The following NDST2 variants were observed in gnomAD, a reference collection of about 807,000 sequenced individuals.
The protein encoded by NDST2 is N-deacetylase and N-sulfotransferase 2.
Under a neutral mutation model 86.9 loss-of-function variants are expected in NDST2, and 32 were observed. That is an observed-to-expected ratio of 0.37 (90% CI 0.28 to 0.49). NDST2 has a LOEUF of 0.49. Among genes scored for constraint, NDST2 ranks in the 20% least tolerant of loss-of-function variants. NDST2 has a pLI of 0.97. For synonymous variants in NDST2, 409 were observed against 437.0 expected, an observed-to-expected ratio of 0.94 and a Z score of 0.80; for missense variants, 950 against 1,146.9, an observed-to-expected ratio of 0.83 and a Z score of 2.48.
At position 73,808,427 on chromosome 10, in the gene NDST2, C is replaced by T; in HGVS notation, c.-39G>A. On this transcript the variant is annotated 5_prime_UTR_variant, in exon 3 of 15. Transcript: ENST00000309979. This position sits in a 1 kb window ranked among gnomAD's most constrained non-coding sequence, Gnocchi z 4.3. The stretch of plus-strand genomic sequence containing the variant: ...AGGGAGGGAGGAATGGGGACCACCT[C>T]AGGGGATGGGAGGTAGGAGTTCTAT... The T allele has an allele frequency of 6.5e-7, 1 of 1,541,138 alleles. No individual in the cohort carries two copies.
At chr10:73,803,517 T>TGGGGGGGGGGGGGGGGC in intron 11 of NDST2, 57 bp downstream of exon 11, 1 of 1,189,308 alleles carries the variant, frequency 8.4e-7, no homozygotes, top group Non-Finnish European at 1.2e-6. Flanking sequence ...TAGCAGTCAC[T>TGGGGGGGGGGGGGGGGC]GTCCCCTCCC....
At chr10:73,803,515 A>T in intron 11 of NDST2, 59 bp downstream of exon 11, 2 of 1,046,986 alleles carry the variant, frequency 1.9e-6, no homozygotes. Flanking sequence ...TCTAGCAGTC[A>T]CTGTCCCCTC....
In NDST2 at chr10:73,805,677, C is replaced by A; in HGVS notation, c.1656G>T (p.Trp552Cys). The change falls in exon 8 of 15, where the codon TGG (tryptophan) becomes TGT (cysteine). Residue 552 changes from tryptophan (W) to cysteine (C), a missense_variant. Trp to Cys is a radical substitution (Grantham distance 215). This residue lies in a region of NDST2 where 586 missense variants were observed against 714.0 expected (regional missense o/e 0.82). Coordinates refer to ENST00000309979, the MANE Select transcript of NDST2 (RefSeq NM_003635.4). ...FESLVRFLQCWTRLRLQTLPP... is the reference protein window; with the variant it reads ...FESLVRFLQCCTRLRLQTLPP... Reference sequence around the variant, plus strand: ...GAAGGGTCTGTAGGCGCAGCCGTGTCCAACACTGGAGGAAGCGCACCAAGC... The same window carrying A: ...GAAGGGTCTGTAGGCGCAGCCGTGTACAACACTGGAGGAAGCGCACCAAGC... 6.2e-7 allele frequency: 1 copy of A among 1,614,204 alleles called. No individual in the cohort carries two copies. The highest frequency in any genetic ancestry group is 1.1e-5 in the South Asian group (1 of 91,088).
Position 73,808,470 on chromosome 10 carries a change from G to C in NDST2, c.-82C>G, listed in dbSNP as rs2084146300. 1 of 1,340,744 alleles carries C rather than the reference G, an allele frequency of 7.5e-7. No individual in the cohort carries two copies. 83.1% of individuals were successfully genotyped at this position (1,340,744 alleles called of 1,614,324 possible). ...AGTTCTATAGGCTAGGACTGTCTTGGAAGGGTAGAAGGATAGGAAAATAGG... is the reference window on the plus strand; with the variant it reads ...AGTTCTATAGGCTAGGACTGTCTTGCAAGGGTAGAAGGATAGGAAAATAGG... On this transcript the variant is annotated 5_prime_UTR_variant, in exon 3 of 15. Coordinates refer to ENST00000309979, the MANE Select transcript of NDST2 (RefSeq NM_003635.4). This position sits in a 1 kb window ranked among gnomAD's most constrained non-coding sequence, Gnocchi z 4.3.
chr10:73,803,698 A>C lies in NDST2; in HGVS notation c.2018T>G (p.Phe673Cys), dbSNP rs1401671284. ...GTCAAAGTAGGTGGCACTTTTTTCAAATAGGAAATCAGTGCTGGCATTGGA... is the reference window on the plus strand; with the variant it reads ...GTCAAAGTAGGTGGCACTTTTTTCACATAGGAAATCAGTGCTGGCATTGGA... ...VPSNASTDFL[F>C]EKSATYFDSE... The change falls in exon 11 of 15, where the codon TTT becomes TGT. Residue 673 changes from phenylalanine (F) to cysteine (C), a missense_variant. Phe to Cys is a radical substitution (Grantham distance 205). Coordinates refer to ENST00000309979, the MANE Select transcript of NDST2 (RefSeq NM_003635.4). The C allele has an allele frequency of 6.2e-7, 1 of 1,613,994 alleles. No homozygotes were observed. Among genetic ancestry groups the C allele is most frequent in the Non-Finnish European group, 8.5e-7 (1 of 1,179,958 alleles).
In NDST2 at chr10:73,803,429, G is replaced by C. The variant is rs2084039814; in HGVS notation, c.2143-70C>G. On this transcript the variant is annotated intron_variant, in intron 11 of 14. Transcript: ENST00000309979. ...GTATTCTGCCCTTACGCTTGGTCTG[G>C]AGACAGACAGCACAGCACGGGTACC... 6 of 1,583,192 alleles carry C rather than the reference G, an allele frequency of 3.8e-6. No individual in the cohort carries two copies. The East Asian group carries it at 1.3e-4, about 35-fold the overall frequency.
Position 73,808,561 on chromosome 10 carries a change from G to C in NDST2, c.-173C>G. The C allele has an allele frequency of 1.6e-6, 1 of 636,340 alleles. No individual in the cohort carries two copies. 39.4% of individuals were successfully genotyped at this position (636,340 alleles called of 1,614,324 possible). On this transcript the variant is annotated 5_prime_UTR_variant, in exon 3 of 15. Coordinates refer to ENST00000309979, the MANE Select transcript of NDST2 (RefSeq NM_003635.4). The surrounding 1 kb of genome is among the most constrained non-coding windows in gnomAD (Gnocchi z 4.3). The stretch of plus-strand genomic sequence containing the variant: ...GACGAGTCCCCTTAGCATAGGGTAG[G>C]GGAGGTAGAAGGGGAAGCAGGGGGC...
chr10:73,805,509 G>C, intron 8 of NDST2, 78 bp downstream of exon 8: 1 of 1,417,584 alleles, frequency 7.1e-7, no homozygotes, highest in Non-Finnish European at 9.8e-7. Flanking sequence ...GCGAGATTCT[G>C]TCTCAAAACA....
intron 2 of NDST2, chr10:73,810,574 A>T (rs2084180522): frequency 2.7e-6 from 1 of 369,538 alleles, no homozygotes; most frequent in African/African-American, 2.1e-5. Context: ...GGTGAATGCT[A>T]AGAATGTGAT....
At position 73,808,130 on chromosome 10, in the gene NDST2, C is replaced by G. The variant is rs760032463; in HGVS notation, c.259G>C (p.Val87Leu). 1 of 1,614,238 alleles carries G rather than the reference C, an allele frequency of 6.2e-7. No individual in the cohort carries two copies. The highest frequency in any genetic ancestry group is 1.1e-5 in the South Asian group (1 of 91,088). The change falls in exon 3 of 15, where the codon GTC (valine) becomes CTC (leucine). Residue 87 changes from valine (V) to leucine (L), a missense_variant. Physicochemically the swap from Val to Leu is conservative, Grantham distance 32. Around this residue, in one of 5 missense-constraint regions of NDST2, gnomAD observed 586 missense variants for 714.0 expected, o/e 0.82. Transcript: ENST00000309979. This position sits in a 1 kb window ranked among gnomAD's most constrained non-coding sequence, Gnocchi z 4.3. Reference protein sequence around the residue: ...PPETARTEPVVLVFVESAYSQ... With the variant: ...PPETARTEPVLLVFVESAYSQ... ...TATGCACTCTCCACAAACACAAGGACCACGGGTTCAGTTCGAGCTGTCTCT... is the reference window on the plus strand; with the variant it reads ...TATGCACTCTCCACAAACACAAGGAGCACGGGTTCAGTTCGAGCTGTCTCT...
chr10:73,804,921 G>A, intron 8 of NDST2, 52 bp from the exon 9 acceptor site: 1 of 1,005,886 alleles, frequency 9.9e-7, no homozygotes, highest in Non-Finnish European at 1.5e-6. Context: ...TTTTTTTTGA[G>A]ACGGAGTTTC....
At chr10:73,810,556 CG>C in intron 2 of NDST2, 1 of 347,070 alleles carries the variant, frequency 2.9e-6, no homozygotes, top group East Asian at 4.3e-5. Flanking sequence ...AAAATGGTGA[CG>C]GGAAGGGGTG....
intron 2 of NDST2, among the ~76,000 whole-genome samples, chr10:73,809,484 T>G (rs554648806): frequency 1.3e-5 from 2 of 152,330 alleles, no homozygotes; most frequent in South Asian, 4.1e-4. Flanking sequence ...GCCATACAGC[T>G]GAGTCCACTC....
Position 73,810,847 on chromosome 10 carries a change from G to GTC in NDST2, c.-392_-391dup, listed in dbSNP as rs2132881984. On this transcript the variant is annotated 5_prime_UTR_variant, in exon 2 of 15. The change abolishes the stop of an existing upstream ORF in the 5' untranslated region. Transcript: ENST00000309979. ...GTTGGTGGGAGGGCTGGGATTCGAC[G>GTC]TCAGGCCTGTCAAGCTCCAGAGCCG... The GTC allele has an allele frequency of 2.5e-6, 1 of 399,132 alleles. No individual in the cohort carries two copies. The highest frequency in any genetic ancestry group is 3.6e-5 in the East Asian group (1 of 28,086). 24.7% of individuals were successfully genotyped at this position (399,132 alleles called of 1,614,324 possible).
chr10:73,804,777 T>C lies in NDST2; in HGVS notation c.1839A>G (p.Lys613=). The change falls in exon 9 of 15, where the codon AAA becomes AAG. Residue 613 remains lysine (K), a synonymous_variant. Coordinates refer to ENST00000309979, the MANE Select transcript of NDST2 (RefSeq NM_003635.4). ...LPKFLIVGPQ[K]TGTTAIHFFL... is the part of the protein sequence containing the mutation. The stretch of plus-strand genomic sequence containing the variant: ...AGTTAGCTAAGGATACTTCACCTGT[T>C]TTCTGGGGTCCCACAATGAGGAACT... 6.2e-7 allele frequency: 1 copy of C among 1,610,800 alleles called. No individual in the cohort carries two copies. The highest frequency in any genetic ancestry group is 8.5e-7 in the Non-Finnish European group (1 of 1,177,424).
rs1784427999 is a variant in NDST2, at chr10:73,804,781, T to C, written c.1835A>G (p.Gln612Arg). ...RLPKFLIVGP[Q>R]KTGTTAIHFF... ...AGCTAAGGATACTTCACCTGTTTTC[T>C]GGGGTCCCACAATGAGGAACTTCGG... The change falls in exon 9 of 15, where the codon CAG becomes CGG. Residue 612 changes from glutamine (Q) to arginine (R), a missense_variant. By Grantham distance (43) the Gln-to-Arg change is conservative. Transcript: ENST00000309979. The C allele has an allele frequency of 6.2e-7, 1 of 1,611,286 alleles. No individual in the cohort carries two copies. The highest frequency in any genetic ancestry group is 1.7e-5 in the Admixed American group (1 of 59,906).
At position 73,806,291 on chromosome 10, in the gene NDST2, T is replaced by A; in HGVS notation, c.1432A>T (p.Met478Leu). 6.2e-7 allele frequency: 1 copy of A among 1,613,694 alleles called. No homozygotes were observed. Among genetic ancestry groups the A allele is most frequent in the Non-Finnish European group, 8.5e-7 (1 of 1,179,964 alleles). Residue 478 changes from methionine (M) to leucine (L), a missense_variant and splice_region_variant, in exon 6 of 15, where the codon ATG becomes TTG. By Grantham distance (15) the Met-to-Leu change is conservative (BLOSUM62 2). Transcript: ENST00000309979. This position sits in a 1 kb window ranked among gnomAD's most constrained non-coding sequence, Gnocchi z 4.5. ...YRRGFIHNGIMVLPRQTCGLF... is the reference protein window; with the variant it reads ...YRRGFIHNGILVLPRQTCGLF... Reference sequence around the variant, plus strand: ...AGCCTGTATTGGGAGTCCCTCACCATAATGCCATTGTGAATGAAGCCACGG... The same window carrying A: ...AGCCTGTATTGGGAGTCCCTCACCAAAATGCCATTGTGAATGAAGCCACGG...
intron 13 of NDST2, 40 bp from the exon 14 acceptor site, chr10:73,802,816 A>G: frequency 2.5e-6 from 4 of 1,590,564 alleles, no homozygotes; most frequent in Non-Finnish European, 2.6e-6. Context: ...CAGGGAAAAG[A>G]GAAACTCAAG....
Position 73,807,510 on chromosome 10 carries a change from G to A in NDST2, c.879C>T (p.Phe293=), listed in dbSNP as rs750514862. ...CAGTGAGGTATGCAACAGCATCAAC[G>A]AAGATAAGTTTGTGGAGCCAGAAGG... ...GLSFWLHKLI[F]VDAVAYLTGK... is the part of the protein sequence containing the mutation. Residue 293 remains phenylalanine (F), a synonymous_variant, in exon 3 of 15, where the codon TTC becomes TTT. Coordinates refer to ENST00000309979, the MANE Select transcript of NDST2 (RefSeq NM_003635.4). 1.4e-5 allele frequency: 23 copies of A among 1,614,090 alleles called. No homozygotes were observed. The African/African-American group carries it at 1.6e-4, about 11-fold the overall frequency.
Sources: gnomAD v4.1 joint callset for allele counts (sites outside exome capture counted in the v4.1 genomes callset) on GRCh38, gnomAD v4.1.1 for gene constraint, gnomAD v4.1.1 regional missense constraint, Gnocchi (gnomAD v3.1) non-coding constraint, MANE v1.5 for transcripts, NCBI Gene and HGNC (gene_info 2026-07-23, HGNC 2026-07-21) for gene names.